The following KCNH5 variants were observed in gnomAD, a reference collection of about 807,000 sequenced individuals.
The protein encoded by KCNH5 is potassium voltage-gated channel subfamily H member 5, also known as voltage-gated delayed rectifier potassium channel KCNH5.
A neutral mutation model predicts 96.1 loss-of-function variants in KCNH5; 46 were observed. The observed-to-expected ratio is 0.48, with a 90% CI of 0.38 to 0.61. The LOEUF is 0.61. KCNH5 is among the 20% of genes least tolerant of loss of function. The pLI is 0.00. For missense variants in KCNH5, 907 were observed against 1,225.8 expected (o/e 0.74, Z 3.88); for synonymous variants, 439 against 449.8 (o/e 0.98, Z 0.30).
At position 62,950,205 on chromosome 14, in the gene KCNH5, T is replaced by C. The variant is rs1566718983; in HGVS notation, c.1297A>G (p.Ile433Val). Residue 433 changes from isoleucine (I) to valine (V), a missense_variant, in exon 7 of 11, where the codon ATA (isoleucine) becomes GTA (valine). Coordinates refer to ENST00000322893, the MANE Select transcript of KCNH5 (RefSeq NM_139318.5). ...GTAGGAGCTATGTTTCCAAATCCTA[T>C]GGTTGTAAGGCTTGTCATGGTAAAG... is the stretch of plus-strand genomic sequence containing the variant. ...LYFTMTSLTT[I>V]GFGNIAPTTD... The C allele has an allele frequency of 6.2e-7, 1 of 1,613,878 alleles. No individual in the cohort carries two copies. The highest frequency in any genetic ancestry group is 1.1e-5 in the South Asian group (1 of 91,056).
intron 7 of KCNH5, among the ~76,000 whole-genome samples, chr14:62,918,811 C>T (rs1440043412): frequency 1.3e-5 from 2 of 151,940 alleles, no homozygotes; most frequent in Non-Finnish European, 2.9e-5. Context: ...CACTATATAT[C>T]CAATAAAAAA....
At chr14:62,794,745 T>C (rs542591565) in intron 9 of KCNH5, among the ~76,000 whole-genome samples, 3 of 152,058 alleles carry the variant, frequency 2.0e-5, no homozygotes, top group Non-Finnish European at 4.4e-5. Flanking sequence ...TTTACTTAAG[T>C]GGGTGGGGGC....
chr14:62,739,692 A>C (rs1885231165), intron 10 of KCNH5, among the ~76,000 whole-genome samples: 1 of 152,090 alleles, frequency 6.6e-6, no homozygotes, highest in Non-Finnish European at 1.5e-5. Flanking sequence ...AGACCAAAAC[A>C]CTTGTACAAG....
At chr14:62,930,269 T>C (rs1889555599) in intron 7 of KCNH5, among the ~76,000 whole-genome samples, 1 of 152,146 alleles carries the variant, frequency 6.6e-6, no homozygotes, top group African/African-American at 2.4e-5. Flanking sequence ...AGCTTTGTTT[T>C]TAACACCACT....
At chr14:62,863,100 G>A (rs1467635789) in intron 7 of KCNH5, among the ~76,000 whole-genome samples, 1 of 152,068 alleles carries the variant, frequency 6.6e-6, no homozygotes, top group Non-Finnish European at 1.5e-5. Context: ...ACATACCACT[G>A]TTTAAAATAT....
Position 62,987,185 on chromosome 14 carries a change from A to G in KCNH5, c.436T>C (p.Trp146Arg). ...QPIEDDSTKG[W>R]TKFARLTRAL... ...CGTGTCAATCGGGCAAATTTCGTCC[A>G]ACCTTAAAAATAAGGAAAGAAAGTC... Residue 146 changes from tryptophan (W) to arginine (R), a missense_variant and splice_region_variant, in exon 5 of 11, where the codon TGG becomes CGG. Physicochemically the swap from Trp to Arg is moderately radical, Grantham distance 101. Around this residue, in one of 6 missense-constraint regions of KCNH5, gnomAD observed 370 missense variants for 561.3 expected, o/e 0.66. Coordinates refer to ENST00000322893, the MANE Select transcript of KCNH5 (RefSeq NM_139318.5). 1 of 1,610,086 alleles carries G rather than the reference A, an allele frequency of 6.2e-7. No homozygotes were observed. Among genetic ancestry groups the G allele is most frequent in the South Asian group, 1.1e-5 (1 of 90,984 alleles).
At chr14:62,846,273 C>T (rs8011514) in intron 8 of KCNH5, among the ~76,000 whole-genome samples, 94,881 of 151,978 alleles carry the variant, frequency 0.62, 30,269 homozygotes, top group East Asian at 0.84. Flanking sequence ...AGTATTCTAA[C>T]TCTTCTTATT....
At chr14:62,859,309 A>C (rs1254652272) in intron 7 of KCNH5, among the ~76,000 whole-genome samples, 1 of 152,132 alleles carries the variant, frequency 6.6e-6, no homozygotes, top group African/African-American at 2.4e-5. Context: ...AGCCTTGGTG[A>C]GTGGAAGTCC....
At chr14:62,725,233 C>T (rs532710661) in intron 10 of KCNH5, among the ~76,000 whole-genome samples, 14 of 152,110 alleles carry the variant, frequency 9.2e-5, no homozygotes, top group Middle Eastern at 6.8e-3. Context: ...ACTCCCAAAG[C>T]GATTGAAATT....
At chr14:62,877,104 T>C (rs2140072224) in intron 7 of KCNH5, among the ~76,000 whole-genome samples, 1 of 152,286 alleles carries the variant, frequency 6.6e-6, no homozygotes, top group Admixed American at 6.5e-5. Flanking sequence ...CTGGATTCCC[T>C]ATTTAATAAA....
chr14:62,944,713 G>T (rs1322724057), intron 7 of KCNH5, among the ~76,000 whole-genome samples: 1 of 152,130 alleles, frequency 6.6e-6, no homozygotes, highest in African/African-American at 2.4e-5. Flanking sequence ...AACACTTCAT[G>T]AATCTAGACA....
At chr14:62,885,874 A>G (rs745503219) in intron 7 of KCNH5, among the ~76,000 whole-genome samples, 73 of 152,360 alleles carry the variant, frequency 4.8e-4, no homozygotes, top group Non-Finnish European at 6.6e-4. Context: ...AGTTTAATAT[A>G]CAGTGTTAAT....
At chr14:62,833,161 A>T (rs1887393014) in intron 8 of KCNH5, among the ~76,000 whole-genome samples, 2 of 151,484 alleles carry the variant, frequency 1.3e-5, no homozygotes, top group African/African-American at 4.8e-5. Context: ...TGGTCCCCTC[A>T]CTATCTAGTT....
At chr14:62,780,139 G>T (rs1318249347) in intron 9 of KCNH5, among the ~76,000 whole-genome samples, 3 of 152,146 alleles carry the variant, frequency 2.0e-5, no homozygotes, top group Non-Finnish European at 2.9e-5. Flanking sequence ...ATCTGGAGTG[G>T]CATGAATAAA....
chr14:62,814,782 C>CAAAAAGAAAAAAAA (rs772584111), intron 8 of KCNH5, among the ~76,000 whole-genome samples: 1 of 33,750 alleles, frequency 3.0e-5, no homozygotes, highest in African/African-American at 1.5e-4. Context: ...GACTCCATCT[C>CAAAAAGAAAAAAAA]AAAAAAAAAA....
intron 10 of KCNH5, among the ~76,000 whole-genome samples, chr14:62,756,572 A>T (rs994283613): frequency 3.3e-5 from 5 of 152,198 alleles, no homozygotes; most frequent in Admixed American, 2.6e-4. Flanking sequence ...ACTATAACTA[A>T]AACAGCATGG....
At chr14:62,940,831 G>A (rs987364170) in intron 7 of KCNH5, among the ~76,000 whole-genome samples, 15 of 152,296 alleles carry the variant, frequency 9.8e-5, no homozygotes, top group Non-Finnish European at 1.3e-4. Flanking sequence ...TTCAACATGT[G>A]TTCAATGGGC....
At chr14:62,846,995 T>A (rs1246602689) in intron 8 of KCNH5, among the ~76,000 whole-genome samples, 2 of 149,300 alleles carry the variant, frequency 1.3e-5, no homozygotes, top group Non-Finnish European at 3.0e-5. Flanking sequence ...AGAGACAGAG[T>A]TTCACAGTGT....
intron 7 of KCNH5, among the ~76,000 whole-genome samples, chr14:62,866,474 C>T (rs1888136183): frequency 6.6e-6 from 1 of 152,138 alleles, no homozygotes; most frequent in African/African-American, 2.4e-5. Flanking sequence ...ACTGCCAAGG[C>T]TTGACATGTA....
Sources: gnomAD v4.1 joint callset for allele counts (sites outside exome capture counted in the v4.1 genomes callset) on GRCh38, gnomAD v4.1.1 for gene constraint, gnomAD v4.1.1 regional missense constraint, MANE v1.5 for transcripts, NCBI Gene and HGNC (gene_info 2026-07-23, HGNC 2026-07-21) for gene names.